ITGB6: variants seen among roughly 807,000 people sequenced by gnomAD.
ITGB6 encodes the protein integrin subunit beta 6.
ITGB6 carries 80 observed loss-of-function variants against 84.5 expected under a neutral mutation model. The ratio of observed to expected loss-of-function variants is 0.95; its 90% CI spans 0.79 to 1.14. The LOEUF is 1.14. Ranked by LOEUF, ITGB6 falls within the 50% of genes most tolerant of loss-of-function variation. The pLI, the probability that ITGB6 is intolerant of heterozygous loss-of-function variation, is 0.00. For missense variants in ITGB6, 1,006 were observed against 968.0 expected (o/e 1.04, Z -0.52); for synonymous variants, 383 against 354.9 (o/e 1.08, Z -0.89).
intron 7 of ITGB6, among the ~76,000 whole-genome samples, chr2:160,156,570 G>A (rs1467147053): frequency 4.6e-5 from 7 of 151,984 alleles, no homozygotes; most frequent in East Asian, 1.9e-4. Flanking sequence ...CAAAGCTAAA[G>A]GTACCCAAAA....
At chr2:160,197,669 A>G (rs558652507) in intron 2 of ITGB6, among the ~76,000 whole-genome samples, 1 of 152,376 alleles carries the variant, frequency 6.6e-6, no homozygotes, top group East Asian at 1.9e-4. Flanking sequence ...ATCTATCAGT[A>G]GGCCTGTGCG....
At chr2:160,121,447 T>C (rs886828761) in intron 12 of ITGB6, among the ~76,000 whole-genome samples, 2 of 152,236 alleles carry the variant, frequency 1.3e-5, no homozygotes, top group African/African-American at 2.4e-5. Flanking sequence ...GAATATACTT[T>C]GAGAAACAAT....
Position 160,137,795 on chromosome 2 carries a change from A to C in ITGB6, c.1299T>G (p.Ile433Met), listed in dbSNP as rs61748239. 74 of 1,613,986 alleles carry C rather than the reference A, an allele frequency of 4.6e-5. No individual in the cohort carries two copies. Among genetic ancestry groups the C allele is most frequent in the Admixed American group, 1.0e-4 (6 of 59,994 alleles). ...IPHCERRSRHIIIKPVGLGDA... is the reference protein window; with the variant it reads ...IPHCERRSRHMIIKPVGLGDA... ...CCCCCAGCCCCACAGGCTTTATGAT[A>C]ATGTGCCTGCTTCTTCTCTCGCAGT... The change falls in exon 10 of 15, where the codon ATT (isoleucine) becomes ATG (methionine). Residue 433 changes from isoleucine (I) to methionine (M), a missense_variant. By Grantham distance (10) the Ile-to-Met change is conservative. Transcript: ENST00000283249.
intron 4 of ITGB6, among the ~76,000 whole-genome samples, chr2:160,185,876 A>T (rs1192662024): frequency 1.3e-5 from 2 of 152,240 alleles, no homozygotes; most frequent in Middle Eastern, 3.2e-3. Context: ...TGGGGAAAGG[A>T]TTCCCTACTT....
At chr2:160,195,311 C>T (rs567388574) in intron 4 of ITGB6, 58 bp downstream of exon 4, 136 of 1,604,038 alleles carry the variant, frequency 8.5e-5, no homozygotes, top group South Asian at 2.6e-4. Context: ...CAGCTCAGAG[C>T]GGGAGTATCT....
chr2:160,143,738 A>C (rs948548878), intron 7 of ITGB6, among the ~76,000 whole-genome samples: 3 of 152,220 alleles, frequency 2.0e-5, no homozygotes, highest in Non-Finnish European at 4.4e-5. Flanking sequence ...AATGCACAAA[A>C]CTATATTAGA....
At position 160,100,845 on chromosome 2, in the gene ITGB6, A is replaced by G. The variant is rs1696688973; in HGVS notation, c.*891T>C. 6.6e-6 allele frequency: 1 copy of G among 152,200 alleles called. No homozygotes were observed. Among genetic ancestry groups the G allele is most frequent in the Non-Finnish European group, 1.5e-5 (1 of 68,012 alleles). 9.4% of individuals were successfully genotyped at this position (152,200 alleles called of 1,614,324 possible). On this transcript the variant is annotated 3_prime_UTR_variant, in exon 15 of 15. Coordinates refer to ENST00000283249, the MANE Select transcript of ITGB6 (RefSeq NM_000888.5). ...GTTTAACACATGTTCCTTTTATATTATTGGATCGCTCTTTGAATAAACTAA... is the reference window on the plus strand; with the variant it reads ...GTTTAACACATGTTCCTTTTATATTGTTGGATCGCTCTTTGAATAAACTAA...
At chr2:160,160,353 C>A (rs79457799) in intron 7 of ITGB6, among the ~76,000 whole-genome samples, 3,873 of 152,172 alleles carry the variant, frequency 0.025, 154 homozygotes, top group African/African-American at 0.088. Context: ...ACTTGACATT[C>A]GAATTTAACT....
chr2:160,138,940 C>T (rs1158720092), intron 8 of ITGB6, among the ~76,000 whole-genome samples: 1 of 152,140 alleles, frequency 6.6e-6, no homozygotes, highest in Admixed American at 6.5e-5. Context: ...ATGACTGCTG[C>T]CTGGCACCAC....
chr2:160,137,750 G>A lies in ITGB6; in HGVS notation c.1344C>T (p.Val448=). 1 of 1,614,188 alleles carries A rather than the reference G, an allele frequency of 6.2e-7. No individual in the cohort carries two copies. Among genetic ancestry groups the A allele is most frequent in the Non-Finnish European group, 8.5e-7 (1 of 1,180,028 alleles). ...GACAGTCGCAGTTGCATTCTGGGCT[G>A]ACAAGTAATTCCAGGGCATCCCCCA... The part of the protein sequence containing the change: ...VGLGDALELL[V]SPECNCDCQK... The change falls in exon 10 of 15, where the codon GTC becomes GTT. Residue 448 remains valine, a synonymous_variant. Coordinates refer to ENST00000283249, the MANE Select transcript of ITGB6 (RefSeq NM_000888.5).
At chr2:160,124,928 T>G (rs1054055729) in intron 11 of ITGB6, among the ~76,000 whole-genome samples, 4 of 152,212 alleles carry the variant, frequency 2.6e-5, no homozygotes, top group South Asian at 4.1e-4. Flanking sequence ...TTCTAGATTG[T>G]ATATTTATTT....
intron 14 of ITGB6, among the ~76,000 whole-genome samples, chr2:160,105,427 G>T (rs767810044): frequency 6.6e-6 from 1 of 152,128 alleles, no homozygotes; most frequent in Non-Finnish European, 1.5e-5. Flanking sequence ...TTATGCCTCT[G>T]TATGAGAACA....
intron 4 of ITGB6, among the ~76,000 whole-genome samples, chr2:160,185,365 T>A (rs1211796071): frequency 6.6e-6 from 1 of 152,068 alleles, no homozygotes; most frequent in Non-Finnish European, 1.5e-5. Flanking sequence ...ATGAGTGAAC[T>A]CCCATTCACA....
intron 8 of ITGB6, among the ~76,000 whole-genome samples, chr2:160,141,254 T>C (rs1026896298): frequency 6.7e-6 from 1 of 149,942 alleles, no homozygotes; most frequent in Non-Finnish European, 1.5e-5. Flanking sequence ...TCTTTGTAAG[T>C]AAAGGCAAAA....
At chr2:160,187,769 T>C (rs1159151162) in intron 4 of ITGB6, among the ~76,000 whole-genome samples, 1 of 152,204 alleles carries the variant, frequency 6.6e-6, no homozygotes, top group Non-Finnish European at 1.5e-5. Flanking sequence ...GGTTTATTAT[T>C]ATAGTTATTA....
chr2:160,146,618 G>A (rs1684200895), intron 7 of ITGB6, among the ~76,000 whole-genome samples: 1 of 151,758 alleles, frequency 6.6e-6, no homozygotes, highest in Non-Finnish European at 1.5e-5. Flanking sequence ...AGTATTTTTT[G>A]TCATTACTTT....
In ITGB6 at chr2:160,151,094, C is replaced by A. The variant is rs966379594; in HGVS notation, c.1018-9023G>T. 3.9e-5 allele frequency among the ~76,000 whole-genome samples: 6 copies of A among 152,116 alleles called. No homozygotes were observed. In the South Asian group the frequency reaches 1.2e-3, roughly 32 times the overall value. ...TGAACTCAGCTCTGCAACAAGCAGA[C>A]CTAATAGATGTCTACAGAACTCTCC... On this transcript the variant is annotated intron_variant, in intron 7 of 14. Coordinates refer to ENST00000283249, the MANE Select transcript of ITGB6 (RefSeq NM_000888.5).
chr2:160,189,572 A>T (rs1686052930), intron 4 of ITGB6, among the ~76,000 whole-genome samples: 1 of 152,256 alleles, frequency 6.6e-6, no homozygotes, highest in South Asian at 2.1e-4. Flanking sequence ...TCAAAAGAAG[A>T]CATTTATGCA....
chr2:160,116,997 C>T lies in ITGB6; in HGVS notation c.1982-4798G>A, dbSNP rs1432950386. On this transcript the variant is annotated intron_variant, in intron 12 of 14. Coordinates refer to ENST00000283249, the MANE Select transcript of ITGB6 (RefSeq NM_000888.5). ...AATATATATTCACCCAATACAGGAG[C>T]ACCCAGATTCATAAAGCAAGTCCTT... Among the ~76,000 whole-genome samples, 5 of 151,468 alleles carry T rather than the reference C, an allele frequency of 3.3e-5. No individual in the cohort carries two copies. In the East Asian group the frequency reaches 9.7e-4, roughly 29 times the overall value.
Sources: gnomAD v4.1 joint callset for allele counts (sites outside exome capture counted in the v4.1 genomes callset) on GRCh38, gnomAD v4.1.1 for gene constraint, MANE v1.5 for transcripts, NCBI Gene and HGNC (gene_info 2026-07-23, HGNC 2026-07-21) for gene names.